The following CADM2 variants were observed in gnomAD, a reference collection of about 807,000 sequenced individuals.
CADM2 encodes the protein cell adhesion molecule 2.
CADM2 carries 12 observed loss-of-function variants against 49.8 expected under a neutral mutation model. The observed-to-expected ratio is 0.24, with a 90% CI of 0.15 to 0.39. The LOEUF (loss-of-function observed/expected upper bound fraction) is 0.39, where lower values mean the gene tolerates loss of function less well. Among genes scored for constraint, CADM2 ranks in the 10% least tolerant of loss-of-function variants. CADM2 has a pLI of 1.00. For missense variants in CADM2, 378 were observed against 492.3 expected (o/e 0.77, Z 2.20); for synonymous variants, 214 against 175.4 (o/e 1.22, Z -1.74).
At chr3:85,003,917 G>A (rs1165763887) in intron 1 of CADM2, among the ~76,000 whole-genome samples, 1 of 152,014 alleles carries the variant, frequency 6.6e-6, no homozygotes, top group Non-Finnish European at 1.5e-5. Flanking sequence ...TTGATAAGAA[G>A]CTAATTTAAA....
intron 1 of CADM2, among the ~76,000 whole-genome samples, chr3:85,537,511 T>C (rs894825655): frequency 1.3e-5 from 2 of 151,132 alleles, no homozygotes; most frequent in Non-Finnish European, 1.5e-5. Flanking sequence ...TGTGTGTGTG[T>C]GTGTGCGTGT....
chr3:85,876,272 T>C (rs1289887629), intron 3 of CADM2, among the ~76,000 whole-genome samples: 1 of 152,174 alleles, frequency 6.6e-6, no homozygotes, highest in South Asian at 2.1e-4. Flanking sequence ...CTATAAAATA[T>C]AATGAATTAT....
chr3:85,849,974 G>T (rs1457170982), intron 3 of CADM2, among the ~76,000 whole-genome samples: 8 of 152,188 alleles, frequency 5.3e-5, no homozygotes, highest in East Asian at 1.9e-4. Flanking sequence ...TTTAATTCAG[G>T]ATACCGTAAA....
chr3:85,789,562 T>C, intron 2 of CADM2, among the ~76,000 whole-genome samples: 1 of 152,184 alleles, frequency 6.6e-6, no homozygotes, highest in East Asian at 1.9e-4. Context: ...TATTTGAAGA[T>C]ACATTTGTAG....
At chr3:85,273,590 C>CA (rs2043293958) in intron 1 of CADM2, among the ~76,000 whole-genome samples, 2 of 151,130 alleles carry the variant, frequency 1.3e-5, no homozygotes, top group African/African-American at 4.9e-5. Context: ...AGGAGGACCC[C>CA]CCCCAAATTT....
intron 1 of CADM2, among the ~76,000 whole-genome samples, chr3:85,539,211 A>G (rs1336864726): frequency 6.6e-6 from 1 of 150,468 alleles, no homozygotes; most frequent in Non-Finnish European, 1.5e-5. Context: ...AATTTTGCCA[A>G]GTAGACTGAC....
intron 1 of CADM2, among the ~76,000 whole-genome samples, chr3:85,558,071 A>G (rs768623136): frequency 6.6e-6 from 1 of 151,964 alleles, no homozygotes; most frequent in Non-Finnish European, 1.5e-5. Flanking sequence ...TATTTTAAGA[A>G]TGCAGATCAC....
At chr3:85,605,686 C>G (rs987344985) in intron 1 of CADM2, among the ~76,000 whole-genome samples, 7 of 151,998 alleles carry the variant, frequency 4.6e-5, no homozygotes, top group Admixed American at 3.3e-4. Flanking sequence ...TTAGATGATT[C>G]ACCACCTGTA....
intron 1 of CADM2, among the ~76,000 whole-genome samples, chr3:84,997,446 A>G (rs1302186659): frequency 1.3e-5 from 2 of 152,058 alleles, no homozygotes; most frequent in Admixed American, 6.6e-5. Context: ...TTTATTTGAA[A>G]GCCAGGGTAT....
chr3:85,200,630 A>C (rs988144351), intron 1 of CADM2, among the ~76,000 whole-genome samples: 1 of 152,130 alleles, frequency 6.6e-6, no homozygotes, highest in African/African-American at 2.4e-5. Flanking sequence ...ATGAAGAACT[A>C]TGAAACCTGG....
At chr3:85,826,952 C>T (rs992279518) in intron 3 of CADM2, among the ~76,000 whole-genome samples, 16 of 151,810 alleles carry the variant, frequency 1.1e-4, no homozygotes, top group Non-Finnish European at 2.1e-4. Flanking sequence ...ATTCTGATTA[C>T]AAGATAAATG....
At chr3:85,109,266 G>A (rs763492830) in intron 1 of CADM2, among the ~76,000 whole-genome samples, 2 of 151,876 alleles carry the variant, frequency 1.3e-5, no homozygotes, top group African/African-American at 4.8e-5. Context: ...GCTAACGAGG[G>A]TGTCCATAAA....
chr3:86,055,725 G>A (rs1737908696), intron 8 of CADM2, among the ~76,000 whole-genome samples: 1 of 151,964 alleles, frequency 6.6e-6, no homozygotes, highest in South Asian at 2.1e-4. Context: ...ATATCATCAC[G>A]TTGGTGATTA....
intron 1 of CADM2, among the ~76,000 whole-genome samples, chr3:85,697,851 A>G (rs1206444009): frequency 2.6e-5 from 4 of 152,220 alleles, no homozygotes; most frequent in Non-Finnish European, 4.4e-5. Flanking sequence ...GTAAGCGGGA[A>G]AAACAGGGAT....
At chr3:85,663,391 ATT>A (rs1467108520) in intron 1 of CADM2, among the ~76,000 whole-genome samples, 2 of 151,816 alleles carry the variant, frequency 1.3e-5, no homozygotes, top group Non-Finnish European at 2.9e-5. Flanking sequence ...TGACCATGTT[ATT>A]CTCTCTTTTC....
At chr3:85,095,897 G>A (rs1476800209) in intron 1 of CADM2, among the ~76,000 whole-genome samples, 1 of 151,998 alleles carries the variant, frequency 6.6e-6, no homozygotes, top group Non-Finnish European at 1.5e-5. Context: ...GTCATTTAAA[G>A]TCTCAGCCTT....
intron 2 of CADM2, among the ~76,000 whole-genome samples, chr3:85,756,204 G>T (rs2107881869): frequency 6.6e-6 from 1 of 151,980 alleles, no homozygotes; most frequent in African/African-American, 2.4e-5. Flanking sequence ...GAGATTTAAT[G>T]GTCTATATGT....
At chr3:85,279,382 T>A (rs540593294) in intron 1 of CADM2, among the ~76,000 whole-genome samples, 1 of 151,712 alleles carries the variant, frequency 6.6e-6, no homozygotes, top group South Asian at 2.1e-4. Flanking sequence ...AATGCTTTTA[T>A]TAATCATCAA....
At chr3:85,859,576 T>C (rs772926967) in intron 3 of CADM2, among the ~76,000 whole-genome samples, 1 of 152,108 alleles carries the variant, frequency 6.6e-6, no homozygotes, top group Non-Finnish European at 1.5e-5. Context: ...CCTATGTGAT[T>C]AAACATTTCT....
Sources: gnomAD v4.1 joint callset for allele counts (sites outside exome capture counted in the v4.1 genomes callset) on GRCh38, gnomAD v4.1.1 for gene constraint, MANE v1.5 for transcripts, NCBI Gene and HGNC (gene_info 2026-07-23, HGNC 2026-07-21) for gene names.